Variants in CDH23 observed in about 807,000 individuals in gnomAD.
CDH23 encodes the protein cadherin-23.
A neutral mutation model predicts 317.1 loss-of-function variants in CDH23; 189 were observed. That is an observed-to-expected ratio of 0.60 (90% confidence interval 0.53 to 0.67). CDH23 has a LOEUF of 0.67. Among genes scored for constraint, CDH23 ranks in the 30% least tolerant of loss-of-function variants. The pLI is 0.00. For missense variants in CDH23, 4,401 were observed against 4,592.4 expected (o/e 0.96, Z 1.20); for synonymous variants, 1,839 against 1,876.8 (o/e 0.98, Z 0.52).
intron 66 of CDH23, 130 bp from the exon 67 acceptor site, chr10:71,812,350 C>G: frequency 6.3e-7 from 1 of 1,599,750 alleles, no homozygotes; most frequent in Non-Finnish European, 8.5e-7. Context: ...GGCACCAGGG[C>G]CTCACACCCC....
At chr10:71,514,702 C>G (rs1854181373) in intron 6 of CDH23, among the ~76,000 whole-genome samples, 4 of 152,284 alleles carry the variant, frequency 2.6e-5, no homozygotes, top group Non-Finnish European at 5.9e-5. Flanking sequence ...GGGTGAAAGG[C>G]CCTGCAATTC....
intron 14 of CDH23, among the ~76,000 whole-genome samples, chr10:71,648,428 C>A (rs558446580): frequency 2.6e-4 from 40 of 152,326 alleles, no homozygotes; most frequent in Admixed American, 2.4e-3. Flanking sequence ...TCTGGGACCA[C>A]GTGGCAAAGA....
At chr10:71,707,265 G>C in intron 26 of CDH23, 2 of 1,447,552 alleles carry the variant, frequency 1.4e-6, no homozygotes, top group Middle Eastern at 1.9e-4. Flanking sequence ...GGCTCCCTGG[G>C]GACCTCCTGA....
At chr10:71,414,047 TTGTGTGTGTGTG>T (rs34017042) in intron 1 of CDH23, among the ~76,000 whole-genome samples, 76 of 142,994 alleles carry the variant, frequency 5.3e-4, no homozygotes, top group Admixed American at 1.5e-3. Context: ...CTCCTGGGTT[TTGTGTGTGTGTG>T]TGTGTGTGTG....
chr10:71,442,272 T>C (rs1355469584), intron 2 of CDH23, among the ~76,000 whole-genome samples: 1 of 152,154 alleles, frequency 6.6e-6, no homozygotes. Flanking sequence ...ACTCTCTCAT[T>C]GCTTGGCACA....
rs545441601 is a variant in CDH23, at chr10:71,686,965, A to G, written c.1987-682A>G. Among the ~76,000 whole-genome samples, 6 of 152,362 alleles carry G rather than the reference A, an allele frequency of 3.9e-5. No individual in the cohort carries two copies. The South Asian group carries it at 1.2e-3, about 32-fold the overall frequency. On this transcript the variant is annotated intron_variant, in intron 18 of 69. Transcript: ENST00000224721. ...CAGAAGTTGCCCACCCTACCCTGCC[A>G]GGCTCAGCCCCTCAGCCAAGCACCG...
chr10:71,491,890 C>T (rs571816770), intron 3 of CDH23, among the ~76,000 whole-genome samples: 5 of 152,168 alleles, frequency 3.3e-5, no homozygotes, highest in Non-Finnish European at 7.3e-5. Context: ...CCCACTGGAA[C>T]CAGAGGCGAG....
intron 31 of CDH23, 113 bp from the exon 32 acceptor site, chr10:71,731,874 C>A (rs1337092024): frequency 3.7e-6 from 4 of 1,095,660 alleles, no homozygotes; most frequent in Non-Finnish European, 5.2e-6. Flanking sequence ...AGAGGTGGGG[C>A]AGCCCATGCT....
chr10:71,405,506 C>T (rs1282877329), intron 1 of CDH23, among the ~76,000 whole-genome samples: 2 of 150,422 alleles, frequency 1.3e-5, no homozygotes, highest in Non-Finnish European at 2.9e-5. Context: ...GGTGCAATCT[C>T]GGCTCACTGC....
At chr10:71,574,914 C>T (rs1858073981) in intron 8 of CDH23, among the ~76,000 whole-genome samples, 1 of 152,178 alleles carries the variant, frequency 6.6e-6, no homozygotes, top group Admixed American at 6.5e-5. Context: ...ACACCCCACA[C>T]TGCCCTCCAT....
intron 14 of CDH23, among the ~76,000 whole-genome samples, chr10:71,655,032 TAC>T (rs1209437134): frequency 6.6e-6 from 1 of 152,174 alleles, no homozygotes; most frequent in African/African-American, 2.4e-5. Context: ...CACTTTTCCA[TAC>T]CACTTCTGAG....
intron 34 of CDH23, 24 bp from the exon 35 acceptor site, chr10:71,738,474 G>A: frequency 6.2e-7 from 1 of 1,613,878 alleles, no homozygotes. Flanking sequence ...GAGGCTGTAG[G>A]TCTCTGACCA....
At chr10:71,595,371 C>G (rs904139412) in intron 9 of CDH23, among the ~76,000 whole-genome samples, 1 of 152,108 alleles carries the variant, frequency 6.6e-6, no homozygotes, top group African/African-American at 2.4e-5. Flanking sequence ...CTCACCTCCC[C>G]CAGGAAGCCT....
intron 41 of CDH23, among the ~76,000 whole-genome samples, chr10:71,783,473 C>T (rs1841012211): frequency 6.6e-6 from 1 of 152,202 alleles, no homozygotes; most frequent in Non-Finnish European, 1.5e-5. Flanking sequence ...CAAGTGGTAA[C>T]CCTCCCCTGG....
At chr10:71,524,365 C>T (rs1854897200) in intron 6 of CDH23, among the ~76,000 whole-genome samples, 1 of 152,144 alleles carries the variant, frequency 6.6e-6, no homozygotes, top group African/African-American at 2.4e-5. Flanking sequence ...TGAACCAGCC[C>T]TTGGTGTGCT....
intron 60 of CDH23, among the ~76,000 whole-genome samples, chr10:71,809,118 T>C (rs1233895693): frequency 6.6e-6 from 1 of 151,868 alleles, no homozygotes; most frequent in Non-Finnish European, 1.5e-5. Flanking sequence ...AAGACTATGC[T>C]GTACCACCTG....
At chr10:71,786,127 G>A (rs1040656534) in intron 44 of CDH23, among the ~76,000 whole-genome samples, 41 of 152,358 alleles carry the variant, frequency 2.7e-4, no homozygotes, top group African/African-American at 9.1e-4. Context: ...ACATGGGCCT[G>A]CATTCACCCA....
At chr10:71,538,534 C>T (rs779665847) in intron 6 of CDH23, among the ~76,000 whole-genome samples, 1 of 152,214 alleles carries the variant, frequency 6.6e-6, no homozygotes, top group Non-Finnish European at 1.5e-5. Context: ...TCCTGCTTCC[C>T]TGTCATGTCC....
chr10:71,469,522 A>T (rs1443828180), intron 3 of CDH23, among the ~76,000 whole-genome samples: 1 of 151,964 alleles, frequency 6.6e-6, no homozygotes, highest in African/African-American at 2.4e-5. Flanking sequence ...CTATATCACA[A>T]TTTCTCTTTT....
Sources: gnomAD v4.1 joint callset for allele counts (sites outside exome capture counted in the v4.1 genomes callset) on GRCh38, gnomAD v4.1.1 for gene constraint, MANE v1.5 for transcripts, NCBI Gene and HGNC (gene_info 2026-07-23, HGNC 2026-07-21) for gene names.